Variants in ZNF865 observed in about 807,000 individuals in gnomAD.
The protein encoded by ZNF865 is zinc finger protein 865.
For synonymous variants in ZNF865, 763 were observed against 750.8 expected (o/e 1.02, Z -0.27); for missense variants, 1,311 against 1,593.4 (o/e 0.82, Z 3.02).
At chr19:55,609,172 C>T (rs1981046724) in intron 1 of ZNF865, among the ~76,000 whole-genome samples, 1 of 152,146 alleles carries the variant, frequency 6.6e-6, no homozygotes, top group African/African-American at 2.4e-5. Flanking sequence ...GTGTGCACCA[C>T]CACACCCGGC....
rs1307054623 is a variant in ZNF865 at position 55,611,008 on chromosome 19, G to C, written c.-26-2585G>C. ...CCTAAATAAAGCTCTTATCCTGATA[G>C]TTCTCCCCTCACCTTTGTTCACTCG... On this transcript the variant is annotated intron_variant, in intron 1 of 1. Coordinates refer to ENST00000568956, the MANE Select transcript of ZNF865 (RefSeq NM_001195605.2). This position sits in a 1 kb window ranked among gnomAD's most constrained non-coding sequence, Gnocchi z 4.5. Among the ~76,000 whole-genome samples, 3 of 152,130 alleles carry C rather than the reference G, an allele frequency of 2.0e-5. No homozygotes were observed. Among genetic ancestry groups the C allele is most frequent in the African/African-American group, 7.2e-5 (3 of 41,412 alleles).
chr19:55,613,788 C>T lies in ZNF865; in HGVS notation c.170C>T (p.Ala57Val). 3 of 1,531,490 alleles carry T rather than the reference C, an allele frequency of 2.0e-6. No homozygotes were observed. Among genetic ancestry groups the T allele is most frequent in the Non-Finnish European group, 2.6e-6 (3 of 1,144,610 alleles). The allele number at this position is 1,531,490 out of a possible 1,614,324, so 94.9% of individuals were successfully genotyped here. A position where few individuals can be genotyped will look rare whatever the true frequency, so the allele number is the denominator to read the frequency against. ...GGGGAACACGCCAAGGCGGTGGCGG[C>T]CCTGCCCTGCGCCCCCGGCCCCCCG... ...LYGEHAKAVA[A>V]LPCAPGPPPQ... Residue 57 changes from alanine to valine, a missense_variant, in exon 2 of 2, where the codon GCC becomes GTC. Coordinates refer to ENST00000568956, the MANE Select transcript of ZNF865 (RefSeq NM_001195605.2).
At chr19:55,608,375 T>C (rs1250909294) in intron 1 of ZNF865, among the ~76,000 whole-genome samples, 3 of 142,802 alleles carry the variant, frequency 2.1e-5, no homozygotes, top group Admixed American at 7.3e-5. Flanking sequence ...AGTGCAGTGG[T>C]GTGATCTTAG....
chr19:55,613,785 C>A lies in ZNF865; in HGVS notation c.167C>A (p.Ala56Glu). 1 of 1,531,474 alleles carries A rather than the reference C, an allele frequency of 6.5e-7. No individual in the cohort carries two copies. The highest frequency in any genetic ancestry group is 8.7e-7 in the Non-Finnish European group (1 of 1,144,630). The allele number at this position is 1,531,474 out of a possible 1,614,324, so 94.9% of individuals were successfully genotyped here. ...TATGGGGAACACGCCAAGGCGGTGG[C>A]GGCCCTGCCCTGCGCCCCCGGCCCC... ...ELYGEHAKAV[A>E]ALPCAPGPPP... Residue 56 changes from alanine (A) to glutamate (E), a missense_variant, in exon 2 of 2, where the codon GCG becomes GAG. By Grantham distance (107) the Ala-to-Glu change is moderately radical. Coordinates refer to ENST00000568956, the MANE Select transcript of ZNF865 (RefSeq NM_001195605.2).
Position 55,615,152 on chromosome 19 carries a change from G to T in ZNF865, c.1534G>T (p.Ala512Ser). The change falls in exon 2 of 2, where the codon GCG becomes TCG. Residue 512 changes from alanine (A) to serine (S), a missense_variant. Coordinates refer to ENST00000568956, the MANE Select transcript of ZNF865 (RefSeq NM_001195605.2). Reference sequence around the variant, plus strand: ...CGAGAAGGCGGCGGCGGCCGCGGCGGCGGTGGTGTACGGCGCTGTGCCCGT... The same window carrying T: ...CGAGAAGGCGGCGGCGGCCGCGGCGTCGGTGGTGTACGGCGCTGTGCCCGT... ...DSEKAAAAAAAVVYGAVPVPL... is the reference protein window; with the variant it reads ...DSEKAAAAAASVVYGAVPVPL... The T allele has an allele frequency of 8.1e-7, 1 of 1,230,044 alleles. No individual in the cohort carries two copies. Among genetic ancestry groups the T allele is most frequent in the Non-Finnish European group, 1.0e-6 (1 of 984,790 alleles). The allele number at this position is 1,230,044 out of a possible 1,614,324, so 76.2% of individuals were successfully genotyped here. A position where few individuals can be genotyped will look rare whatever the true frequency, so the allele number is the denominator to read the frequency against.
rs1051491162 is a variant in ZNF865 at position 55,617,079 on chromosome 19, A to T, written c.*281A>T. ...CCCGCCCCAGCAGCACTCTGCCCCC[A>T]GTAAGTTTTGGCGGAGATGGGTCTG... On this transcript the variant is annotated 3_prime_UTR_variant, in exon 2 of 2. Coordinates refer to ENST00000568956, the MANE Select transcript of ZNF865 (RefSeq NM_001195605.2). 2.6e-5 allele frequency: 9 copies of T among 349,340 alleles called. No individual in the cohort carries two copies. The highest frequency in any genetic ancestry group is 1.9e-4 in the African/African-American group (9 of 46,848). The allele number at this position is 349,340 out of a possible 1,614,324, so 21.6% of individuals were successfully genotyped here.
At chr19:55,608,594 G>A (rs139793355) in intron 1 of ZNF865, among the ~76,000 whole-genome samples, 11 of 152,172 alleles carry the variant, frequency 7.2e-5, no homozygotes, top group Non-Finnish European at 1.5e-4. Context: ...GATTACAGGC[G>A]TGAGCCACCG....
At chr19:55,610,122 G>T (rs770786554) in intron 1 of ZNF865, among the ~76,000 whole-genome samples, 13 of 152,164 alleles carry the variant, frequency 8.5e-5, no homozygotes, top group African/African-American at 1.2e-4. Flanking sequence ...TAGTCTCATC[G>T]CTTTGTTCAT....
At position 55,616,363 on chromosome 19, in the gene ZNF865, GT is replaced by G; in HGVS notation, c.2746del (p.Ser916ArgfsTer57). On this transcript the variant is annotated frameshift_variant, in exon 2 of 2. Coordinates refer to ENST00000568956, the MANE Select transcript of ZNF865 (RefSeq NM_001195605.2). LOFTEE classifies it low-confidence loss of function (END_TRUNC). ...GCGTGTGCGCCAAGCGCTTCGCGCA[GT>G]CGTCCAGCCTGGCAGAGCACCGGCG... ...CGVCAKRFAQSSSLAEHRRLH... is the reference protein window; with the variant it reads ...CGVCAKRFAQXSSLAEHRRLH... 6.6e-7 allele frequency: 1 copy of G among 1,521,344 alleles called. No homozygotes were observed. The highest frequency in any genetic ancestry group is 8.8e-7 in the Non-Finnish European group (1 of 1,139,500). The allele number at this position is 1,521,344 out of a possible 1,614,324, so 94.2% of individuals were successfully genotyped here. A position where few individuals can be genotyped will look rare whatever the true frequency, so the allele number is the denominator to read the frequency against.
At position 55,606,780 on chromosome 19, in the gene ZNF865, G is replaced by A. The variant is rs188703583; in HGVS notation, c.-27+1048G>A. On this transcript the variant is annotated intron_variant, in intron 1 of 1. Coordinates refer to ENST00000568956, the MANE Select transcript of ZNF865 (RefSeq NM_001195605.2). ...ATAATATACAGCCACGAAGGGGGTC[G>A]ATACACACAGTGTTCTCACTGTGCG... 5.1e-4 allele frequency among the ~76,000 whole-genome samples: 77 copies of A among 152,330 alleles called. No individual in the cohort carries two copies. The East Asian group carries it at 6.2e-3, about 12-fold the overall frequency.
Position 55,615,289 on chromosome 19 carries a change from C to A in ZNF865, c.1671C>A (p.Arg557=). 6.6e-7 allele frequency: 1 copy of A among 1,526,382 alleles called. No individual in the cohort carries two copies. The highest frequency in any genetic ancestry group is 8.7e-7 in the Non-Finnish European group (1 of 1,143,348). The allele number at this position is 1,526,382 out of a possible 1,614,324, so 94.6% of individuals were successfully genotyped here. Residue 557 remains arginine, a synonymous_variant, in exon 2 of 2, where the codon CGC becomes CGA. Coordinates refer to ENST00000568956, the MANE Select transcript of ZNF865 (RefSeq NM_001195605.2). ...CGTTCTGCTGCGGCATCTGCGGGCG[C>A]GGCTTCGGGCGCCGCGAGACCCTGA... ...GKTFCCGICG[R]GFGRRETLKR... is the part of the protein sequence containing the mutation.
chr19:55,609,343 C>A (rs1981052489), intron 1 of ZNF865, among the ~76,000 whole-genome samples: 1 of 152,130 alleles, frequency 6.6e-6, no homozygotes, highest in African/African-American at 2.4e-5. Context: ...TTTAATTTAT[C>A]TCTCTGGCCC....
Position 55,613,933 on chromosome 19 carries a change from G to C in ZNF865, c.315G>C (p.Ser105=), listed in dbSNP as rs773413431. 12 of 1,529,574 alleles carry C rather than the reference G, an allele frequency of 7.8e-6. No individual in the cohort carries two copies. The African/African-American group carries it at 1.4e-4, about 18-fold the overall frequency. 94.8% of individuals were successfully genotyped at this position (1,529,574 alleles called of 1,614,324 possible). The part of the protein sequence containing the change: ...SSSSSSSSSS[S]SSSSSSSSSS... Reference sequence around the variant, plus strand: ...CCTCGTCCTCCTCCTCCTCCTCTTCGTCCTCCTCGTCGTCATCTTCGTCCT... The same window carrying C: ...CCTCGTCCTCCTCCTCCTCCTCTTCCTCCTCCTCGTCGTCATCTTCGTCCT... The change falls in exon 2 of 2, where the codon TCG becomes TCC. Residue 105 remains serine (S), a synonymous_variant. Coordinates refer to ENST00000568956, the MANE Select transcript of ZNF865 (RefSeq NM_001195605.2).
chr19:55,608,312 CT>C (rs758447041), intron 1 of ZNF865, among the ~76,000 whole-genome samples: 2,227 of 125,278 alleles, frequency 0.018, 8 homozygotes, highest in Non-Finnish European at 0.024. Flanking sequence ...AGGACTGTGG[CT>C]TTTTTTTTTT....
chr19:55,607,608 G>T lies in ZNF865; in HGVS notation c.-27+1876G>T, dbSNP rs1383726331. 2.0e-5 allele frequency among the ~76,000 whole-genome samples: 3 copies of T among 152,126 alleles called. No homozygotes were observed. In the South Asian group the frequency reaches 6.2e-4, roughly 32 times the overall value. ...TATATGTGCGTGTTCAGAATATCAC[G>T]GGATAAAGAGATAGACCTGGGGGGC... On this transcript the variant is annotated intron_variant, in intron 1 of 1. Transcript: ENST00000568956.
Position 55,613,825 on chromosome 19 carries a change from GCCGCAGCCCCCT to G in ZNF865, c.210_221del (p.Gln71_Pro74del). 3.4e-6 allele frequency: 2 copies of G among 581,636 alleles called. No individual in the cohort carries two copies. Among genetic ancestry groups the G allele is most frequent in the East Asian group, 2.8e-4 (1 of 3,538 alleles). The allele number at this position is 581,636 out of a possible 1,614,324, so 36.0% of individuals were successfully genotyped here. On this transcript the variant is annotated inframe_deletion, in exon 2 of 2. Coordinates refer to ENST00000568956, the MANE Select transcript of ZNF865 (RefSeq NM_001195605.2). ...CCCCCGGCCCCCCGCCGCAGCCCCC[GCCGCAGCCCCCT>G]CCCCCGCAGTATGACTACCCGCCCC...
Position 55,614,122 on chromosome 19 carries a change from G to A in ZNF865, c.504G>A (p.Ala168=), listed in dbSNP as rs1981247161. 3 of 1,428,548 alleles carry A rather than the reference G, an allele frequency of 2.1e-6. No homozygotes were observed. Among genetic ancestry groups the A allele is most frequent in the South Asian group, 3.0e-5 (2 of 66,588 alleles). The allele number at this position is 1,428,548 out of a possible 1,614,324, so 88.5% of individuals were successfully genotyped here. A position where few individuals can be genotyped will look rare whatever the true frequency, so the allele number is the denominator to read the frequency against. Residue 168 remains alanine, a synonymous_variant, in exon 2 of 2, where the codon GCG becomes GCA. Coordinates refer to ENST00000568956, the MANE Select transcript of ZNF865 (RefSeq NM_001195605.2). This position sits in a 1 kb window ranked among gnomAD's most constrained non-coding sequence, Gnocchi z 8.0. The part of the protein sequence containing the change: ...LFGNLKRGGP[A]SGPGVTPGLG... ...GGAACCTGAAGCGAGGAGGGCCCGC[G>A]TCCGGGCCGGGGGTGACGCCTGGGC...
Position 55,614,397 on chromosome 19 carries a change from C to T in ZNF865, c.779C>T (p.Thr260Ile), listed in dbSNP as rs1352563052. ...TACGAATGCGGCGTCTGCGGCCGCACCTACAACCACGTGTCCAGCCTCATC... is the reference window on the plus strand; with the variant it reads ...TACGAATGCGGCGTCTGCGGCCGCATCTACAACCACGTGTCCAGCCTCATC... ...RPYECGVCGR[T>I]YNHVSSLIRH... The change falls in exon 2 of 2, where the codon ACC (threonine) becomes ATC (isoleucine). Residue 260 changes from threonine (T) to isoleucine (I), a missense_variant. Physicochemically the swap from Thr to Ile is moderately conservative, Grantham distance 89 (BLOSUM62 -1). Transcript: ENST00000568956. The surrounding 1 kb of genome is among the most constrained non-coding windows in gnomAD (Gnocchi z 8.0). 1 of 1,483,018 alleles carries T rather than the reference C, an allele frequency of 6.7e-7. No individual in the cohort carries two copies. The highest frequency in any genetic ancestry group is 1.5e-5 in the African/African-American group (1 of 68,874). 91.9% of individuals were successfully genotyped at this position (1,483,018 alleles called of 1,614,324 possible).
Position 55,614,446 on chromosome 19 carries a change from C to G in ZNF865, c.828C>G (p.Asp276Glu). Residue 276 changes from aspartate to glutamate, a missense_variant, in exon 2 of 2, where the codon GAC becomes GAG. Coordinates refer to ENST00000568956, the MANE Select transcript of ZNF865 (RefSeq NM_001195605.2). The surrounding 1 kb of genome is among the most constrained non-coding windows in gnomAD (Gnocchi z 8.0). ...TCCGCCACCGCCGCTGCCACAAGGA[C>G]GTGCCACCGGCCGCGGGGGGCCCGC... ...SLIRHRRCHK[D>E]VPPAAGGPPQ... 7.0e-7 allele frequency: 1 copy of G among 1,436,774 alleles called. No individual in the cohort carries two copies. Among genetic ancestry groups the G allele is most frequent in the Non-Finnish European group, 9.1e-7 (1 of 1,095,516 alleles). The allele number at this position is 1,436,774 out of a possible 1,614,324, so 89.0% of individuals were successfully genotyped here. A position where few individuals can be genotyped will look rare whatever the true frequency, so the allele number is the denominator to read the frequency against.
Sources: allele counts gnomAD v4.1 joint callset (sites outside exome capture counted in the v4.1 genomes callset), GRCh38; gene constraint gnomAD v4.1.1; non-coding constraint Gnocchi (gnomAD v3.1); transcripts MANE v1.5; gene names NCBI Gene and HGNC (gene_info 2026-07-23, HGNC 2026-07-21).